Variants in TTPA observed in about 807,000 individuals in gnomAD.
The protein encoded by TTPA is alpha tocopherol transfer protein.
In TTPA, 23 loss-of-function variants were observed where a neutral mutation model predicts 25.9. The ratio of observed to expected loss-of-function variants is 0.89; its 90% CI spans 0.64 to 1.26. TTPA has a LOEUF of 1.26. TTPA is among the 50% of genes most tolerant of loss of function. The pLI, the probability that TTPA is intolerant of heterozygous loss-of-function variation, is 0.00. For synonymous variants in TTPA, 148 were observed against 137.3 expected, an observed-to-expected ratio of 1.08 and a Z score of -0.54; for missense variants, 337 against 353.1, an observed-to-expected ratio of 0.95 and a Z score of 0.37.
At chr8:63,064,538 G>A (rs550718681) in intron 3 of TTPA, among the ~76,000 whole-genome samples, 12 of 152,082 alleles carry the variant, frequency 7.9e-5, no homozygotes, top group Admixed American at 7.9e-4. Flanking sequence ...TATAGATTTG[G>A]CAAAGTATTT....
At chr8:63,078,278 T>C (rs1400079454) in intron 1 of TTPA, among the ~76,000 whole-genome samples, 1 of 152,124 alleles carries the variant, frequency 6.6e-6, no homozygotes, top group Non-Finnish European at 1.5e-5. Context: ...GCGCCTCTTC[T>C]CCTCCAAAGG....
chr8:63,067,862 T>C (rs2129750821), intron 2 of TTPA, among the ~76,000 whole-genome samples: 1 of 152,234 alleles, frequency 6.6e-6, no homozygotes, highest in South Asian at 2.1e-4. Context: ...TGAGAACATG[T>C]GGTATTTCGT....
At chr8:63,081,210 A>G (rs940722556) in intron 1 of TTPA, among the ~76,000 whole-genome samples, 1 of 152,202 alleles carries the variant, frequency 6.6e-6, no homozygotes, top group African/African-American at 2.4e-5. Flanking sequence ...TTAGATGAAT[A>G]TCCCTGATGA....
At chr8:63,066,265 C>T (rs533373396) in intron 2 of TTPA, among the ~76,000 whole-genome samples, 168 bp from the exon 3 acceptor site, 15 of 152,306 alleles carry the variant, frequency 9.8e-5, no homozygotes, top group Non-Finnish European at 1.5e-4. Context: ...CATGTGCCTG[C>T]TTCTCCCTTC....
intron 1 of TTPA, among the ~76,000 whole-genome samples, chr8:63,075,856 G>A (rs1805555154): frequency 6.6e-6 from 1 of 152,104 alleles, no homozygotes; most frequent in South Asian, 2.1e-4. Context: ...TTAGCAGGGA[G>A]AATCTATGGA....
intron 2 of TTPA, among the ~76,000 whole-genome samples, chr8:63,069,310 A>C (rs1805446371): frequency 6.6e-6 from 1 of 151,842 alleles, no homozygotes; most frequent in Non-Finnish European, 1.5e-5. Flanking sequence ...AAAAAAGAAC[A>C]TATGAAGTTT....
At chr8:63,075,298 T>C (rs1052477960) in intron 1 of TTPA, among the ~76,000 whole-genome samples, 3 of 152,230 alleles carry the variant, frequency 2.0e-5, no homozygotes, top group Non-Finnish European at 4.4e-5. Flanking sequence ...ACATGTTTCA[T>C]GTACTTTGAA....
At chr8:63,061,845 A>G (rs1383862442) in intron 4 of TTPA, among the ~76,000 whole-genome samples, 1 of 152,248 alleles carries the variant, frequency 6.6e-6, no homozygotes, top group African/African-American at 2.4e-5. Context: ...ATATCTGAGC[A>G]CACAATTAAA....
At chr8:63,070,923 C>G (rs1316020354) in intron 2 of TTPA, among the ~76,000 whole-genome samples, 1 of 152,010 alleles carries the variant, frequency 6.6e-6, no homozygotes. Flanking sequence ...TTTCAGATAA[C>G]CAGTATATAA....
rs73270562 is a variant in TTPA, at chr8:63,069,858, T to C, written c.358+3077A>G. 5.0e-3 allele frequency among the ~76,000 whole-genome samples: 764 copies of C among 152,290 alleles called. 8 individuals carry two copies. Among genetic ancestry groups the C allele is most frequent in the African/African-American group, 0.017 (725 of 41,574 alleles). On this transcript the variant is annotated intron_variant, in intron 2 of 4. Coordinates refer to ENST00000260116, the MANE Select transcript of TTPA (RefSeq NM_000370.3). The stretch of plus-strand genomic sequence containing the variant: ...CATCATAGAAAGTTCTATGGTACAG[T>C]GCTGGCTAGAATTTAAGCTCCATTG...
In TTPA at chr8:63,061,412, C is replaced by T. The variant is rs776505121; in HGVS notation, c.677G>A (p.Gly226Glu). ...AAGCAAGCTTTGTTTGTAGTTGTTC[C>T]CATGCATGTGAATCTGAAATAGCCA... ...EKIKERIHMHGNNYKQSLLQH... is the reference protein window; with the variant it reads ...EKIKERIHMHENNYKQSLLQH... Residue 226 changes from glycine to glutamate, a missense_variant, in exon 5 of 5, where the codon GGG becomes GAG. Physicochemically the swap from Gly to Glu is moderately conservative, Grantham distance 98. Transcript: ENST00000260116. 1.2e-6 allele frequency: 2 copies of T among 1,613,894 alleles called. No individual in the cohort carries two copies. The highest frequency in any genetic ancestry group is 8.5e-7 in the Non-Finnish European group (1 of 1,179,938).
downstream of TTPA, among the ~76,000 whole-genome samples, chr8:63,058,612 T>G (rs960234222): frequency 6.6e-6 from 1 of 152,192 alleles, no homozygotes; most frequent in Non-Finnish European, 1.5e-5. Flanking sequence ...TCTTTTAATG[T>G]TCTTCAGTGA....
chr8:63,074,941 A>C (rs1223605922), intron 1 of TTPA, among the ~76,000 whole-genome samples: 2 of 152,246 alleles, frequency 1.3e-5, no homozygotes, highest in African/African-American at 2.4e-5. Context: ...TTAAGTCATG[A>C]GTAAACCAAC....
chr8:63,061,544 A>G (rs1179446206), intron 4 of TTPA, 119 bp from the exon 5 acceptor site: 1 of 829,972 alleles, frequency 1.2e-6, no homozygotes, highest in Admixed American at 2.2e-5. Flanking sequence ...AATAGATACC[A>G]CATCCTTTAT....
chr8:63,080,734 AAT>A lies in TTPA; in HGVS notation c.204+5082_204+5083del, dbSNP rs1317245178. ...GACTCCGTATCAAAAAAAAAAAAAA[AAT>A]AAATAATAATAATAATAAAGAAGAA... On this transcript the variant is annotated intron_variant, in intron 1 of 4. Coordinates refer to ENST00000260116, the MANE Select transcript of TTPA (RefSeq NM_000370.3). Among the ~76,000 whole-genome samples, 120 of 132,104 alleles carry A rather than the reference AAT, an allele frequency of 9.1e-4. 1 individual carries two copies. The highest frequency in any genetic ancestry group is 4.0e-3 in the African/African-American group (120 of 29,962). 86.7% of individuals were successfully genotyped at this position (132,104 alleles called of 152,430 possible). A position where few individuals can be genotyped will look rare whatever the true frequency, so the allele number is the denominator to read the frequency against.
In TTPA at chr8:63,061,166, T is replaced by G; in HGVS notation, c.*86A>C. On this transcript the variant is annotated 3_prime_UTR_variant, in exon 5 of 5. Coordinates refer to ENST00000260116, the MANE Select transcript of TTPA (RefSeq NM_000370.3). ...TTCAGGCAAGCATTAGTTTAAAAGA[T>G]TTGCTCCTTTTCTTTCATTCATTTA... The G allele has an allele frequency of 2.9e-6, 4 of 1,366,016 alleles. No individual in the cohort carries two copies. The highest frequency in any genetic ancestry group is 4.1e-6 in the Non-Finnish European group (4 of 972,296). 84.6% of individuals were successfully genotyped at this position (1,366,016 alleles called of 1,614,324 possible).
rs1585687832 is a variant in TTPA, at chr8:63,065,971, C to A, written c.485G>T (p.Gly162Val). 3 of 1,613,938 alleles carry A rather than the reference C, an allele frequency of 1.9e-6. No individual in the cohort carries two copies. Among genetic ancestry groups the A allele is most frequent in the Non-Finnish European group, 1.7e-6 (2 of 1,179,998 alleles). The change falls in exon 3 of 5, where the codon GGT (glycine) becomes GTT (valine). Residue 162 changes from glycine (G) to valine (V), a missense_variant. Transcript: ENST00000260116. ...TTGAAAAGCATGAGAAAACTGCCAA[C>A]CTTCCAGATCAAAGATAGCCTTGAT... ...NGIKAIFDLE[G>V]WQFSHAFQIT...
chr8:63,064,066 C>T, intron 4 of TTPA, 140 bp downstream of exon 4: 4 of 610,498 alleles, frequency 6.6e-6, no homozygotes, highest in African/African-American at 5.7e-5. Context: ...TTTTAGTTGG[C>T]TTGTTAGATA....
At chr8:63,067,480 A>G (rs1281285976) in intron 2 of TTPA, among the ~76,000 whole-genome samples, 1 of 151,336 alleles carries the variant, frequency 6.6e-6, no homozygotes, top group Non-Finnish European at 1.5e-5. Context: ...TTCAGACTGA[A>G]GTGCCTAACA....
Sources: allele counts gnomAD v4.1 joint callset (sites outside exome capture counted in the v4.1 genomes callset), GRCh38; gene constraint gnomAD v4.1.1; transcripts MANE v1.5; gene names NCBI Gene and HGNC (gene_info 2026-07-23, HGNC 2026-07-21).